Variants in LRRC49 observed in about 807,000 individuals in gnomAD.
LRRC49 encodes leucine rich repeat containing 49, also known as leucine-rich repeat-containing protein 49.
Under a neutral mutation model 83.3 loss-of-function variants are expected in LRRC49, and 50 were observed. The ratio of observed to expected loss-of-function variants is 0.60; its 90% CI spans 0.48 to 0.76. The LOEUF (loss-of-function observed/expected upper bound fraction) is 0.76. Ranked by LOEUF, LRRC49 falls within the 30% of genes least tolerant of loss-of-function variation. The pLI, the probability that LRRC49 is intolerant of heterozygous loss-of-function variation, is 0.00. For missense variants in LRRC49, 704 were observed against 809.1 expected, an observed-to-expected ratio of 0.87 and a Z score of 1.58; for synonymous variants, 286 against 283.3, an observed-to-expected ratio of 1.01 and a Z score of -0.10.
intron 15 of LRRC49, among the ~76,000 whole-genome samples, chr15:71,047,085 C>T (rs766878309): frequency 3.3e-5 from 5 of 152,186 alleles, no homozygotes; most frequent in African/African-American, 4.8e-5. Flanking sequence ...GTTTTGGTTA[C>T]TGTGGCTTTA....
chr15:70,901,002 T>C lies in LRRC49; in HGVS notation c.274T>C (p.Ser92Pro). The change falls in exon 4 of 16, where the codon TCA becomes CCA. Residue 92 changes from serine (S) to proline (P), a missense_variant. Physicochemically the swap from Ser to Pro is moderately conservative, Grantham distance 74. Around this residue, in one of 3 missense-constraint regions of LRRC49, gnomAD observed 261 missense variants for 330.5 expected, o/e 0.79. Coordinates refer to ENST00000260382, the MANE Select transcript of LRRC49 (RefSeq NM_017691.5). ...TTCTTCTGAAGAGAAAATTCTTTACTCAGACAGGTTGAGCCTAGAAAGGTG... is the reference window on the plus strand; with the variant it reads ...TTCTTCTGAAGAGAAAATTCTTTACCCAGACAGGTTGAGCCTAGAAAGGTG... The part of the protein sequence containing the change: ...QRSSEEKILY[S>P]DRLSLERQKL... 1.2e-6 allele frequency: 2 copies of C among 1,609,050 alleles called. No individual in the cohort carries two copies. The highest frequency in any genetic ancestry group is 1.7e-6 in the Non-Finnish European group (2 of 1,176,722).
rs929017025 is a variant in LRRC49 at position 70,920,807 on chromosome 15, AT to A, written c.711+1617del. ...CATATTAATTACAGTCAATTGTGAA[AT>A]TTGCTATATATCAAATTTACTATAT... On this transcript the variant is annotated intron_variant, in intron 7 of 15. Transcript: ENST00000260382. Among the ~76,000 whole-genome samples, 26 of 152,280 alleles carry A rather than the reference AT, an allele frequency of 1.7e-4. 1 individual carries two copies. Among genetic ancestry groups the A allele is most frequent in the Admixed American group, 1.5e-3 (23 of 15,282 alleles).
At chr15:70,928,494 A>G (rs2035291844) in intron 7 of LRRC49, among the ~76,000 whole-genome samples, 2 of 152,024 alleles carry the variant, frequency 1.3e-5, no homozygotes, top group East Asian at 1.9e-4. Context: ...AGCATACCTA[A>G]TATTTGTGTT....
intron 2 of LRRC49, among the ~76,000 whole-genome samples, chr15:70,885,098 A>T (rs538270287): frequency 2.2e-4 from 34 of 152,172 alleles, no homozygotes; most frequent in Non-Finnish European, 4.7e-4. Flanking sequence ...TTTGAACATA[A>T]ATCTCTTGTG....
intron 7 of LRRC49, among the ~76,000 whole-genome samples, chr15:70,921,947 A>G (rs537397288): frequency 2.0e-5 from 3 of 152,330 alleles, no homozygotes; most frequent in Non-Finnish European, 2.9e-5. Context: ...ATAAATTTCA[A>G]ACCAAGTATT....
chr15:70,877,390 C>G (rs1386787347), intron 2 of LRRC49, among the ~76,000 whole-genome samples: 1 of 152,130 alleles, frequency 6.6e-6, no homozygotes, highest in Non-Finnish European at 1.5e-5. Context: ...CTGATGGATT[C>G]CTTTCTGTCA....
At chr15:70,894,562 C>G (rs535613160) in intron 2 of LRRC49, 1 of 1,111,688 alleles carries the variant, frequency 9.0e-7, no homozygotes, top group South Asian at 1.4e-5. Flanking sequence ...TCCTTTCTGT[C>G]TCACCTCAGC....
At chr15:70,953,296 C>T (rs1362368790) in intron 8 of LRRC49, among the ~76,000 whole-genome samples, 1 of 152,132 alleles carries the variant, frequency 6.6e-6, no homozygotes, top group South Asian at 2.1e-4. Flanking sequence ...TTTAGCACTT[C>T]CTTTAGAAGC....
chr15:71,046,526 C>G (rs1221018846), intron 15 of LRRC49, among the ~76,000 whole-genome samples: 1 of 152,128 alleles, frequency 6.6e-6, no homozygotes, highest in Admixed American at 6.6e-5. Context: ...TGTTCATGTC[C>G]TTTGCCCATT....
At chr15:70,859,571 G>A (rs552686039) in intron 1 of LRRC49, 78 of 663,980 alleles carry the variant, frequency 1.2e-4, no homozygotes, top group Non-Finnish European at 1.2e-4. Flanking sequence ...GATCAAGTAT[G>A]AGGAGCTGCA....
intron 8 of LRRC49, among the ~76,000 whole-genome samples, chr15:70,954,695 G>T (rs1169915956): frequency 2.0e-5 from 3 of 147,870 alleles, no homozygotes; most frequent in African/African-American, 7.4e-5. Context: ...CTTTTAGGGG[G>T]CAAGACTCAG....
At chr15:70,864,180 G>A (rs2032861327) in intron 1 of LRRC49, among the ~76,000 whole-genome samples, 1 of 152,152 alleles carries the variant, frequency 6.6e-6, no homozygotes, top group East Asian at 1.9e-4. Flanking sequence ...TGAGGGGCTA[G>A]GTTTGTGTAT....
chr15:70,880,256 T>G (rs1387976343), intron 2 of LRRC49, among the ~76,000 whole-genome samples: 1 of 152,204 alleles, frequency 6.6e-6, no homozygotes. Flanking sequence ...CCCACCTCAA[T>G]TAACATCTTC....
upstream of LRRC49, among the ~76,000 whole-genome samples, chr15:70,890,891 T>C (rs1276454063): frequency 6.6e-6 from 1 of 152,086 alleles, no homozygotes; most frequent in African/African-American, 2.4e-5. Flanking sequence ...AGGGCTAGTG[T>C]GGTATGCAGG....
intron 14 of LRRC49, among the ~76,000 whole-genome samples, chr15:71,017,774 G>A (rs1596144567): frequency 6.6e-6 from 1 of 152,082 alleles, no homozygotes; most frequent in African/African-American, 2.4e-5. Context: ...CATGACTTTT[G>A]GTGGAAGGTA....
chr15:70,921,547 C>T lies in LRRC49; in HGVS notation c.711+2354C>T, dbSNP rs573225562. On this transcript the variant is annotated intron_variant, in intron 7 of 15. Transcript: ENST00000260382. ...CACTACTTGATTCAGCACAGTTCAC[C>T]GTAGTCCATGCCTGCTCATTGTATG... Among the ~76,000 whole-genome samples the T allele has an allele frequency of 2.6e-5, 4 of 152,242 alleles. No individual in the cohort carries two copies. The South Asian group carries it at 6.2e-4, about 24-fold the overall frequency.
At chr15:70,959,319 G>A (rs1177790915) in intron 8 of LRRC49, among the ~76,000 whole-genome samples, 2 of 152,022 alleles carry the variant, frequency 1.3e-5, no homozygotes, top group African/African-American at 4.8e-5. Flanking sequence ...GTGAAACCCT[G>A]TCTCTACTAA....
chr15:70,961,477 C>G (rs1227881574), intron 8 of LRRC49, among the ~76,000 whole-genome samples: 1 of 152,116 alleles, frequency 6.6e-6, no homozygotes, highest in African/African-American at 2.4e-5. Context: ...TATTCATAAT[C>G]AACAAAAACT....
At position 70,858,880 on chromosome 15, in the gene LRRC49, G is replaced by C. The variant is rs1316604356; in HGVS notation, c.-299+5411G>C. The C allele has an allele frequency of 3.9e-6, 3 of 761,050 alleles. No individual in the cohort carries two copies. The African/African-American group carries it at 5.1e-5, about 13-fold the overall frequency. 47.1% of individuals were successfully genotyped at this position (761,050 alleles called of 1,614,324 possible). A position where few individuals can be genotyped will look rare whatever the true frequency, so the allele number is the denominator to read the frequency against. ...TGGCCTGGGTGGAGGCTGGGTGGTG[G>C]GGCCAGTGGTATGGGAGGCATCACC... On this transcript the variant is annotated intron_variant, in intron 1 of 16. Transcript: ENST00000544974.
Sources: allele counts gnomAD v4.1 joint callset (sites outside exome capture counted in the v4.1 genomes callset), GRCh38; gene constraint gnomAD v4.1.1; regional missense constraint gnomAD v4.1.1; transcripts MANE v1.5; gene names NCBI Gene and HGNC (gene_info 2026-07-23, HGNC 2026-07-21).